ZNF521: variants seen among roughly 807,000 people sequenced by gnomAD.
The protein encoded by ZNF521 is LYST-interacting protein 3.
A neutral mutation model predicts 105.5 loss-of-function variants in ZNF521; 14 were observed. The observed-to-expected ratio is 0.13, with a 90% confidence interval of 0.09 to 0.21. The LOEUF (loss-of-function observed/expected upper bound fraction) is 0.21. Ranked by LOEUF, ZNF521 falls within the 10% of genes least tolerant of loss-of-function variation. ZNF521 has a pLI of 1.00. For missense variants in ZNF521, 1,233 were observed against 1,629.7 expected (o/e 0.76, Z 4.19); for synonymous variants, 635 against 606.0 (o/e 1.05, Z -0.70).
intron 5 of ZNF521, among the ~76,000 whole-genome samples, chr18:25,124,634 G>C (rs927834156): frequency 1.3e-4 from 20 of 151,882 alleles, no homozygotes; most frequent in African/African-American, 3.9e-4. Context: ...TGCTGTTCTT[G>C]TGTTGTGCAA....
rs148541195 is a variant in ZNF521, at chr18:25,326,192, A to G, written c.41-4005T>C. Reference sequence around the variant, plus strand: ...AAGCCATCTCAGTGGACTGGCAAAGACTATCTGTATTCTTGAAACTCATCT... The same window carrying G: ...AAGCCATCTCAGTGGACTGGCAAAGGCTATCTGTATTCTTGAAACTCATCT... On this transcript the variant is annotated intron_variant, in intron 2 of 7. Coordinates refer to ENST00000361524, the MANE Select transcript of ZNF521 (RefSeq NM_015461.3). 7.2e-5 allele frequency among the ~76,000 whole-genome samples: 11 copies of G among 152,306 alleles called. No homozygotes were observed. The East Asian group carries it at 2.1e-3, about 29-fold the overall frequency.
chr18:25,076,580 T>C (rs1360814136), intron 7 of ZNF521, among the ~76,000 whole-genome samples: 1 of 152,206 alleles, frequency 6.6e-6, no homozygotes, highest in Admixed American at 6.5e-5. Context: ...TTTCTCTCCA[T>C]GAATACAATC....
intron 5 of ZNF521, among the ~76,000 whole-genome samples, chr18:25,123,259 C>G (rs1228386619): frequency 6.6e-6 from 1 of 151,918 alleles, no homozygotes; most frequent in Non-Finnish European, 1.5e-5. Context: ...CGTCAGGGAA[C>G]TGTTGTAAAG....
chr18:25,336,471 TAAA>T (rs1913886807), intron 2 of ZNF521, among the ~76,000 whole-genome samples: 1 of 152,190 alleles, frequency 6.6e-6, no homozygotes, highest in African/African-American at 2.4e-5. Flanking sequence ...GCAAGGAACC[TAAA>T]AGACACCAAT....
chr18:25,346,601 T>C (rs1275839739), intron 2 of ZNF521, among the ~76,000 whole-genome samples: 4 of 152,174 alleles, frequency 2.6e-5, no homozygotes, highest in Admixed American at 6.5e-5. Context: ...CTCTATTACA[T>C]TTCTAAATAA....
At chr18:25,345,713 G>A (rs1401246169) in intron 2 of ZNF521, among the ~76,000 whole-genome samples, 2 of 152,040 alleles carry the variant, frequency 1.3e-5, no homozygotes, top group Non-Finnish European at 2.9e-5. Flanking sequence ...TGTTTATGTC[G>A]GATTGTCTAC....
At chr18:25,240,149 T>C (rs143438754) in intron 3 of ZNF521, among the ~76,000 whole-genome samples, 42 of 152,254 alleles carry the variant, frequency 2.8e-4, no homozygotes, top group African/African-American at 1.0e-3. Flanking sequence ...CTGCCTCACC[T>C]TTATTAGTCC....
chr18:25,141,979 CAT>C (rs2034856941), intron 5 of ZNF521, among the ~76,000 whole-genome samples: 2 of 152,104 alleles, frequency 1.3e-5, no homozygotes, highest in South Asian at 4.1e-4. Context: ...AGGGCAAAAA[CAT>C]AAAAATTTGC....
At chr18:25,325,184 T>C (rs1913147524) in intron 2 of ZNF521, among the ~76,000 whole-genome samples, 1 of 152,204 alleles carries the variant, frequency 6.6e-6, no homozygotes, top group Non-Finnish European at 1.5e-5. Flanking sequence ...TCTACTTTCA[T>C]GAAAAACTCT....
intron 2 of ZNF521, among the ~76,000 whole-genome samples, chr18:25,345,532 G>A (rs1041062084): frequency 1.3e-5 from 2 of 152,136 alleles, no homozygotes; most frequent in African/African-American, 2.4e-5. Flanking sequence ...AGATGTTTTT[G>A]TTTTTAAGGC....
intron 2 of ZNF521, among the ~76,000 whole-genome samples, chr18:25,339,555 C>G (rs1329877769): frequency 6.6e-6 from 1 of 152,202 alleles, no homozygotes; most frequent in Admixed American, 6.5e-5. Context: ...AATATGTCTC[C>G]TTCATAGCAT....
intron 5 of ZNF521, among the ~76,000 whole-genome samples, chr18:25,123,064 A>T (rs1026907034): frequency 6.6e-6 from 1 of 151,952 alleles, no homozygotes; most frequent in Non-Finnish European, 1.5e-5. Flanking sequence ...AAAAATATAA[A>T]CTAGACATTC....
In ZNF521 at chr18:25,166,496, T is replaced by C. The variant is rs375231474; in HGVS notation, c.3658+28664A>G. Among the ~76,000 whole-genome samples the C allele has an allele frequency of 1.7e-4, 26 of 152,286 alleles. No homozygotes were observed. In the East Asian group the frequency reaches 4.6e-3, roughly 27 times the overall value. ...TCATTATGCCTGCACATTAAAAAGA[T>C]TGCAAATCATTATTTTTAAAGAAGA... On this transcript the variant is annotated intron_variant, in intron 5 of 7. Transcript: ENST00000361524.
chr18:25,318,084 A>C (rs904145966), intron 3 of ZNF521, among the ~76,000 whole-genome samples: 32 of 152,170 alleles, frequency 2.1e-4, no homozygotes, highest in African/African-American at 7.7e-4. Flanking sequence ...CTAACAAGAG[A>C]ATGTAAAACA....
chr18:25,318,210 A>G (rs1158283968), intron 3 of ZNF521, among the ~76,000 whole-genome samples: 1 of 152,194 alleles, frequency 6.6e-6, no homozygotes, highest in African/African-American at 2.4e-5. Flanking sequence ...GAAGCTGGAC[A>G]CACAAAAAAA....
chr18:25,158,006 G>C (rs936664361), intron 5 of ZNF521, among the ~76,000 whole-genome samples: 1 of 152,018 alleles, frequency 6.6e-6, no homozygotes. Context: ...CACTCACCTC[G>C]GCCTCCCAAA....
At chr18:25,327,451 A>G in intron 2 of ZNF521, 1 of 1,171,742 alleles carries the variant, frequency 8.5e-7, no homozygotes, top group South Asian at 1.7e-5. Context: ...TCCCACACCT[A>G]AAAAGAAAAT....
chr18:25,122,907 T>C lies in ZNF521; in HGVS notation c.3659-30826A>G, dbSNP rs114724488. Among the ~76,000 whole-genome samples, 643 of 152,172 alleles carry C rather than the reference T, an allele frequency of 4.2e-3. 3 individuals are homozygous for C. The highest frequency in any genetic ancestry group is 0.014 in the African/African-American group (596 of 41,534). On this transcript the variant is annotated intron_variant, in intron 5 of 7. Coordinates refer to ENST00000361524, the MANE Select transcript of ZNF521 (RefSeq NM_015461.3). ...ATGGGACATGAAACTTGGTCCAGTG[T>C]GGCAGTGGGGAAGGTGTAATTCACA...
chr18:25,327,773 A>C (rs1913314576), intron 2 of ZNF521: 1 of 493,392 alleles, frequency 2.0e-6, no homozygotes, highest in South Asian at 1.5e-5. Context: ...GAAGGAAGGC[A>C]GCATTGCCAG....
Sources: gnomAD v4.1 joint callset for allele counts (sites outside exome capture counted in the v4.1 genomes callset) on GRCh38, gnomAD v4.1.1 for gene constraint, MANE v1.5 for transcripts, NCBI Gene and HGNC (gene_info 2026-07-23, HGNC 2026-07-21) for gene names.